SHISA9: variants seen among roughly 807,000 people sequenced by gnomAD.
SHISA9 encodes shisa family member 9, also known as protein shisa-9.
SHISA9 carries 13 observed loss-of-function variants against 38.0 expected under a neutral mutation model. The ratio of observed to expected loss-of-function variants is 0.34; its 90% CI spans 0.22 to 0.54. The LOEUF is 0.54. Ranked by LOEUF, SHISA9 falls within the 20% of genes least tolerant of loss-of-function variation. SHISA9 has a pLI of 0.91. For missense variants in SHISA9, 538 were observed against 575.8 expected (o/e 0.93, Z 0.67); for synonymous variants, 275 against 242.0 (o/e 1.14, Z -1.27).
chr16:13,085,700 A>G (rs538243892), intron 2 of SHISA9, among the ~76,000 whole-genome samples: 1 of 152,340 alleles, frequency 6.6e-6, no homozygotes, highest in African/African-American at 2.4e-5. Context: ...GTGTGATCTA[A>G]TCTAGGGCTA....
intron 2 of SHISA9, among the ~76,000 whole-genome samples, chr16:13,019,873 TCCCTCCC>T (rs2072814358): frequency 8.6e-5 from 3 of 34,758 alleles, no homozygotes; most frequent in African/African-American, 3.7e-4. Context: ...CCTCCCTCCC[TCCCTCCC>T]TCCCTTCTTT....
chr16:13,518,662 C>T, the SHISA9 span, among the ~76,000 whole-genome samples: 1 of 152,210 alleles, frequency 6.6e-6, no homozygotes, highest in Admixed American at 6.5e-5. Flanking sequence ...CCATTCTACA[C>T]CCTTCTGTTT....
chr16:13,303,255 G>GA, the SHISA9 span, among the ~76,000 whole-genome samples: 1 of 151,964 alleles, frequency 6.6e-6, no homozygotes, highest in Non-Finnish European at 1.5e-5. Context: ...AACAGATACT[G>GA]AAAAAAATAC....
intron 2 of SHISA9, among the ~76,000 whole-genome samples, chr16:12,999,827 C>G (rs975852001): frequency 6.6e-6 from 1 of 152,176 alleles, no homozygotes; most frequent in Non-Finnish European, 1.5e-5. Flanking sequence ...CTCCTGCTTC[C>G]CGCAATGCCC....
At chr16:13,530,535 C>A in the SHISA9 span, among the ~76,000 whole-genome samples, 58 of 152,086 alleles carry the variant, frequency 3.8e-4, 1 homozygote, top group Non-Finnish European at 5.3e-4. Flanking sequence ...TTGTTTCTAT[C>A]CTTGTTGGTA....
intron 2 of SHISA9, among the ~76,000 whole-genome samples, chr16:13,055,146 G>A (rs1458762066): frequency 6.6e-6 from 1 of 152,102 alleles, no homozygotes; most frequent in Non-Finnish European, 1.5e-5. Context: ...CCCTTCAGTT[G>A]TATTATTTTA....
intron 2 of SHISA9, among the ~76,000 whole-genome samples, chr16:12,926,371 C>T (rs942803912): frequency 3.3e-5 from 5 of 152,040 alleles, no homozygotes; most frequent in African/African-American, 1.2e-4. Context: ...ATAAAGTCAC[C>T]ATTTCTGTCC....
chr16:13,247,080 A>G, the SHISA9 span, among the ~76,000 whole-genome samples: 1 of 152,068 alleles, frequency 6.6e-6, no homozygotes, highest in African/African-American at 2.4e-5. Context: ...GAAACTAACA[A>G]TCATGGCGGA....
At chr16:13,009,555 C>T (rs918172571) in intron 2 of SHISA9, among the ~76,000 whole-genome samples, 16 of 152,172 alleles carry the variant, frequency 1.1e-4, no homozygotes, top group Admixed American at 7.2e-4. Flanking sequence ...ATAGCCGGAA[C>T]CAGAAGCCTC....
rs71147791 is a variant in SHISA9 at position 13,234,957 on chromosome 16, ACTCTCTCTCTCT to A, written c.896-54_896-43del. 53 of 1,324,816 alleles carry A rather than the reference ACTCTCTCTCTCT, an allele frequency of 4.0e-5. No homozygotes were observed. The African/African-American group carries it at 5.2e-4, about 13-fold the overall frequency. 82.1% of individuals were successfully genotyped at this position (1,324,816 alleles called of 1,614,324 possible). A position where few individuals can be genotyped will look rare whatever the true frequency, so the allele number is the denominator to read the frequency against. On this transcript the variant is annotated intron_variant, in intron 4 of 4. Coordinates refer to ENST00000558583, the MANE Select transcript of SHISA9 (RefSeq NM_001145204.3). ...TCTTGGGTTGACATGCCAGTCTCTA[ACTCTCTCTCTCT>A]CTCTCTCTCTCTCTCTCTTCTCTTT...
At chr16:13,312,396 C>T in the SHISA9 span, among the ~76,000 whole-genome samples, 1 of 152,170 alleles carries the variant, frequency 6.6e-6, no homozygotes, top group East Asian at 1.9e-4. Flanking sequence ...ATAAACTAAT[C>T]CTCCTGTCCC....
chr16:13,509,246 C>G, the SHISA9 span, among the ~76,000 whole-genome samples: 1 of 151,492 alleles, frequency 6.6e-6, no homozygotes, highest in Non-Finnish European at 1.5e-5. Context: ...CGGCAGCAAG[C>G]CCACAGCTGG....
the SHISA9 span, among the ~76,000 whole-genome samples, chr16:13,357,397 T>C: frequency 6.6e-6 from 1 of 150,666 alleles, no homozygotes; most frequent in Admixed American, 6.6e-5. Context: ...GTGAGGGAGG[T>C]TGGAGAAGAG....
Position 13,196,392 on chromosome 16 carries a change from G to A in SHISA9, c.692-7002G>A, listed in dbSNP as rs530579700. Among the ~76,000 whole-genome samples, 512 of 74,838 alleles carry A rather than the reference G, an allele frequency of 6.8e-3. 5 individuals carry two copies. The highest frequency in any genetic ancestry group is 0.044 in the African/African-American group (479 of 10,982). The allele number at this position is 74,838 out of a possible 152,430, so 49.1% of individuals were successfully genotyped here. A position where few individuals can be genotyped will look rare whatever the true frequency, so the allele number is the denominator to read the frequency against. The stretch of plus-strand genomic sequence containing the variant: ...AGCCTGGGCGACAGAGCGAGACTCC[G>A]TCTCAAAAAAAAAAAAAAGAAAGAA... On this transcript the variant is annotated intron_variant, in intron 2 of 4. Transcript: ENST00000558583.
chr16:13,419,424 G>A, the SHISA9 span, among the ~76,000 whole-genome samples: 1 of 152,178 alleles, frequency 6.6e-6, no homozygotes, highest in Non-Finnish European at 1.5e-5. Flanking sequence ...TTGGCTTTGT[G>A]GGACTAATCT....
intron 1 of SHISA9, among the ~76,000 whole-genome samples, chr16:12,906,353 G>A (rs185111363): frequency 2.0e-5 from 3 of 152,272 alleles, no homozygotes; most frequent in African/African-American, 7.2e-5. Flanking sequence ...TGCTGCAGAG[G>A]CCTCCAAGAT....
intron 3 of SHISA9, among the ~76,000 whole-genome samples, chr16:13,211,025 A>C (rs1448959839): frequency 1.3e-5 from 2 of 152,222 alleles, no homozygotes; most frequent in Non-Finnish European, 2.9e-5. Context: ...GGCTGGGCAC[A>C]GTGGCTCATG....
the SHISA9 span, among the ~76,000 whole-genome samples, chr16:13,390,983 A>T: frequency 6.6e-6 from 1 of 152,200 alleles, no homozygotes. Flanking sequence ...CAATCTGTGA[A>T]AGCAAGAATA....
chr16:13,038,124 G>A (rs183363386), intron 2 of SHISA9, among the ~76,000 whole-genome samples: 2 of 152,222 alleles, frequency 1.3e-5, no homozygotes, highest in Admixed American at 1.3e-4. Context: ...CGAGTAGCTG[G>A]GATTACAGGT....
Sources: allele counts gnomAD v4.1 joint callset (sites outside exome capture counted in the v4.1 genomes callset), GRCh38; gene constraint gnomAD v4.1.1; transcripts MANE v1.5; gene names NCBI Gene and HGNC (gene_info 2026-07-23, HGNC 2026-07-21).